Variants in ITIH6 observed in about 807,000 individuals in gnomAD.
ITIH6 encodes the protein inter-alpha-trypsin inhibitor heavy chain family member 6.
Under a neutral mutation model 58.2 loss-of-function variants are expected in ITIH6, and 60 were observed. The ratio of observed to expected loss-of-function variants is 1.03; its 90% CI spans 0.84 to 1.28. The LOEUF (loss-of-function observed/expected upper bound fraction) is 1.28. ITIH6 is among the 50% of genes most tolerant of loss of function. The pLI is 0.00. For synonymous variants in ITIH6, 493 were observed against 417.4 expected (o/e 1.18, Z -2.21); for missense variants, 1,290 against 1,021.1 (o/e 1.26, Z -3.59).
At chrX:54,751,436 G>A in intron 11 of ITIH6, 56 bp from the exon 12 acceptor site, 1 of 1,159,508 alleles carries the variant, frequency 8.6e-7, no homozygotes, top group Admixed American at 2.3e-5. Context: ...TCATTTACAT[G>A]GTCACCCACA....
intron 6 of ITIH6, among the ~76,000 whole-genome samples, chrX:54,771,214 A>T (rs1412141362): frequency 9.0e-6 from 1 of 111,283 alleles, no homozygotes. Flanking sequence ...CTTAGACCTG[A>T]GGTTTGGTGT....
intron 5 of ITIH6, among the ~76,000 whole-genome samples, chrX:54,775,745 T>A (rs770556841): frequency 9.0e-6 from 1 of 111,534 alleles, no homozygotes; most frequent in Non-Finnish European, 1.9e-5. Flanking sequence ...TGGGCTCAAG[T>A]GCAGATCACT....
intron 5 of ITIH6, among the ~76,000 whole-genome samples, chrX:54,776,639 C>T (rs149891076): frequency 1.1e-3 from 126 of 110,755 alleles, no homozygotes; most frequent in African/African-American, 4.0e-3. Context: ...GTAAGAGTCG[C>T]GAGGCCCCCT....
chrX:54,757,624 A>G lies in ITIH6; in HGVS notation c.2450T>C (p.Val817Ala). 8.3e-7 allele frequency: 1 copy of G among 1,210,838 alleles called. No individual in the cohort carries two copies. Among genetic ancestry groups the G allele is most frequent in the Non-Finnish European group, 1.1e-6 (1 of 895,254 alleles). The change falls in exon 8 of 13, where the codon GTT (valine) becomes GCT (alanine). Residue 817 changes from valine to alanine, a missense_variant. Coordinates refer to ENST00000218436, the MANE Select transcript of ITIH6 (RefSeq NM_198510.3). ...QSRPGVSTLQ[V>A]PKYPLHTRPR... The stretch of plus-strand genomic sequence containing the variant: ...TCTGGTGTGTAGTGGGTACTTGGGA[A>G]CCTGAAGTGTAGAGACTCCAGGTCT...
rs921483347 is a variant in ITIH6, at chrX:54,749,193, T to C, written c.*702A>G. The C allele has an allele frequency of 8.9e-6, 1 of 112,012 alleles. No homozygotes were observed. Among genetic ancestry groups the C allele is most frequent in the African/African-American group, 3.3e-5 (1 of 30,734 alleles). 9.2% of individuals were successfully genotyped at this position (112,012 alleles called of 1,213,427 possible). A position where few individuals can be genotyped will look rare whatever the true frequency, so the allele number is the denominator to read the frequency against. On this transcript the variant is annotated 3_prime_UTR_variant, in exon 13 of 13. Transcript: ENST00000218436. Reference sequence around the variant, plus strand: ...TTAATTCATTCTTTTAACAAATATTTACTAAGCACCTATTATGTGAGAGGC... The same window carrying C: ...TTAATTCATTCTTTTAACAAATATTCACTAAGCACCTATTATGTGAGAGGC...
At chrX:54,792,237 T>G (rs1268057971) in intron 2 of ITIH6, among the ~76,000 whole-genome samples, 1 of 111,594 alleles carries the variant, frequency 9.0e-6, no homozygotes, top group Non-Finnish European at 1.9e-5. Context: ...AGTGAAGTAG[T>G]TATCATTATC....
At chrX:54,791,178 G>T in intron 3 of ITIH6, 94 bp from the exon 4 acceptor site, 2 of 914,618 alleles carry the variant, frequency 2.2e-6, no homozygotes, top group Non-Finnish European at 3.0e-6. Context: ...CCCCAACCCT[G>T]GTCCCAGCCG....
At chrX:54,752,423 A>G (rs1186552485) in intron 11 of ITIH6, among the ~76,000 whole-genome samples, 1 of 112,237 alleles carries the variant, frequency 8.9e-6, no homozygotes, top group Non-Finnish European at 1.9e-5. Flanking sequence ...TCCTAAAGAA[A>G]GCAGAAGTTT....
chrX:54,757,700 G>A lies in ITIH6; in HGVS notation c.2374C>T (p.Pro792Ser). 8.3e-7 allele frequency: 1 copy of A among 1,211,248 alleles called. No homozygotes were observed. The highest frequency in any genetic ancestry group is 1.1e-6 in the Non-Finnish European group (1 of 895,251). ...TGTGATGTGAGTGCCCCAAGTTGGG[G>A]GTGCGATGGAGCACCAGGTTTGGAA... ...LHSKPGAPSH[P>S]QLGALTSQAP... Residue 792 changes from proline (P) to serine (S), a missense_variant, in exon 8 of 13, where the codon CCC becomes TCC. Transcript: ENST00000218436.
chrX:54,772,792 A>G (rs1370125374), intron 6 of ITIH6, among the ~76,000 whole-genome samples: 2 of 111,920 alleles, frequency 1.8e-5, no homozygotes, highest in Non-Finnish European at 3.8e-5. Context: ...TATTTTTTTG[A>G]CAGGGTCTTG....
At position 54,759,918 on chromosome X, in the gene ITIH6, C is replaced by T. The variant is rs753564531; in HGVS notation, c.913G>A (p.Ala305Thr). 44 of 1,203,052 alleles carry T rather than the reference C, an allele frequency of 3.7e-5. No homozygotes were observed. The highest frequency in any genetic ancestry group is 4.8e-5 in the Non-Finnish European group (43 of 890,412). The change falls in exon 7 of 13, where the codon GCC becomes ACC. Residue 305 changes from alanine to threonine, a missense_variant. By Grantham distance (58) the Ala-to-Thr change is moderately conservative. Coordinates refer to ENST00000218436, the MANE Select transcript of ITIH6 (RefSeq NM_198510.3). Reference protein sequence around the residue: ...FGTKMEQTKTAMNVILSDLQA... With the variant: ...FGTKMEQTKTTMNVILSDLQA... The stretch of plus-strand genomic sequence containing the variant: ...AGGTCACTGAGGATCACATTCATGG[C>T]CGTTTTAGTCTGTGGGATATGGATG...
intron 2 of ITIH6, among the ~76,000 whole-genome samples, chrX:54,794,167 G>A (rs1929398123): frequency 9.1e-6 from 1 of 109,340 alleles, no homozygotes; most frequent in Admixed American, 9.7e-5. Flanking sequence ...GGTGGGCCGA[G>A]TTGGCACCTC....
At chrX:54,769,800 T>C (rs12013766) in intron 6 of ITIH6, among the ~76,000 whole-genome samples, 64 of 97,071 alleles carry the variant, frequency 6.6e-4, no homozygotes, top group Non-Finnish European at 3.1e-4. Context: ...GACAGGGACA[T>C]TTAAGTCTGC....
chrX:54,768,692 T>C (rs1734664454), intron 6 of ITIH6, among the ~76,000 whole-genome samples: 1 of 105,642 alleles, frequency 9.5e-6, no homozygotes, highest in Non-Finnish European at 1.9e-5. Flanking sequence ...TCTTTAAGAA[T>C]GTTGAATATT....
chrX:54,780,929 A>G lies in ITIH6; in HGVS notation c.787-6732T>C, dbSNP rs900820475. On this transcript the variant is annotated intron_variant, in intron 5 of 12. Transcript: ENST00000218436. ...CTAGAAGAGGCTAGAGAACCCAGAA[A>G]TAAGGCCACACACCTGCAACTATCT... 2.0e-4 allele frequency among the ~76,000 whole-genome samples: 22 copies of G among 111,177 alleles called. 1 individual carries two copies. Among genetic ancestry groups the G allele is most frequent in the Non-Finnish European group, 3.8e-4 (20 of 53,021 alleles).
chrX:54,775,664 C>A (rs748896552), intron 5 of ITIH6, among the ~76,000 whole-genome samples: 2 of 111,771 alleles, frequency 1.8e-5, no homozygotes, highest in Non-Finnish European at 3.8e-5. Context: ...TGTCCCCAGT[C>A]CACTCCCAAA....
At chrX:54,759,644 G>C in intron 7 of ITIH6, 112 bp downstream of exon 7, 5 of 588,971 alleles carry the variant, frequency 8.5e-6, no homozygotes, top group African/African-American at 2.3e-5. Flanking sequence ...ATGTGGTCTT[G>C]ATATTTCAGG....
intron 4 of ITIH6, 62 bp downstream of exon 4, chrX:54,790,775 C>G: frequency 1.7e-6 from 2 of 1,182,398 alleles, no homozygotes; most frequent in East Asian, 6.0e-5. Context: ...CCAGTGGAAT[C>G]GATAAGGTTT....
intron 12 of ITIH6, among the ~76,000 whole-genome samples, chrX:54,750,779 C>A (rs1394890174): frequency 8.9e-6 from 1 of 111,850 alleles, no homozygotes; most frequent in African/African-American, 3.3e-5. Flanking sequence ...TTCCCCCACT[C>A]TGGTTTTCTC....
Sources: gnomAD v4.1 joint callset for allele counts (sites outside exome capture counted in the v4.1 genomes callset) on GRCh38, gnomAD v4.1.1 for gene constraint, MANE v1.5 for transcripts, NCBI Gene and HGNC (gene_info 2026-07-23, HGNC 2026-07-21) for gene names.